The following PLEKHG5 variants were observed in gnomAD, a reference collection of about 807,000 sequenced individuals.
PLEKHG5 encodes pleckstrin homology and RhoGEF domain containing G5.
Under a neutral mutation model 103.8 loss-of-function variants are expected in PLEKHG5, and 52 were observed. The observed-to-expected ratio is 0.50, with a 90% CI of 0.40 to 0.63. PLEKHG5 has a LOEUF of 0.63. Among genes scored for constraint, PLEKHG5 ranks in the 30% least tolerant of loss-of-function variants. The pLI, the probability that PLEKHG5 is intolerant of heterozygous loss-of-function variation, is 0.00. For synonymous variants in PLEKHG5, 592 were observed against 575.5 expected (o/e 1.03, Z -0.41); for missense variants, 1,205 against 1,347.6 (o/e 0.89, Z 1.66).
chr1:6,474,018 T>C lies in PLEKHG5; in HGVS notation c.586A>G (p.Ile196Val), dbSNP rs1159602956. The C allele has an allele frequency of 1.6e-6, 2 of 1,282,522 alleles. No homozygotes were observed. Among genetic ancestry groups the C allele is most frequent in the South Asian group, 1.2e-5 (1 of 84,200 alleles). The allele number at this position is 1,282,522 out of a possible 1,614,324, so 79.4% of individuals were successfully genotyped here. Residue 196 changes from isoleucine to valine, a missense_variant, in exon 7 of 21, where the codon ATC (isoleucine) becomes GTC (valine). Transcript: ENST00000377728. The stretch of plus-strand genomic sequence containing the variant: ...ACACACCCCCTCCTCCTCACCAAGA[T>C]GTCCAGGCTCTCCCGGCGGCTCTGG... ...DAQSRRESLDILAPGRRRKNM... is the reference protein window; with the variant it reads ...DAQSRRESLDVLAPGRRRKNM...
intron 5 of PLEKHG5, 22 bp from the exon 6 acceptor site, chr1:6,474,609 T>C (rs768296648): frequency 1.2e-6 from 2 of 1,612,522 alleles, no homozygotes; most frequent in African/African-American, 2.7e-5. Context: ...ACAGGAGGCA[T>C]GTGTGTTAGA....
In PLEKHG5 at chr1:6,469,082, T is replaced by C. The variant is rs1644484109; in HGVS notation, c.2209A>G (p.Ile737Val). 21 of 1,613,282 alleles carry C rather than the reference T, an allele frequency of 1.3e-5. No homozygotes were observed. Among genetic ancestry groups the C allele is most frequent in the Non-Finnish European group, 1.7e-5 (20 of 1,179,988 alleles). Reference sequence around the variant, plus strand: ...GGGCTGCCGCTGCTTTTCCGCATGATGGTAGGGGAGCTGGCAGCTGAAGTG... The same window carrying C: ...GGGCTGCCGCTGCTTTTCCGCATGACGGTAGGGGAGCTGGCAGCTGAAGTG... ...SGTSAASSPT[I>V]MRKSSGSPDS... Residue 737 changes from isoleucine to valine, a missense_variant, in exon 19 of 21, where the codon ATC becomes GTC. Ile to Val is a conservative substitution (Grantham distance 29). Transcript: ENST00000377728.
intron 1 of PLEKHG5, among the ~76,000 whole-genome samples, chr1:6,507,705 G>C (rs947167282): frequency 6.6e-6 from 1 of 152,240 alleles, no homozygotes; most frequent in African/African-American, 2.4e-5. Context: ...GCCCCCAGCT[G>C]AGGGCTAAGG....
intron 1 of PLEKHG5, chr1:6,485,491 G>A: frequency 4.8e-6 from 6 of 1,241,668 alleles, no homozygotes; most frequent in Non-Finnish European, 6.0e-6. Flanking sequence ...GACAAAGCGC[G>A]GAGCCCCGCT....
intron 1 of PLEKHG5, among the ~76,000 whole-genome samples, chr1:6,485,084 C>A (rs1644994150): frequency 6.6e-6 from 1 of 152,090 alleles, no homozygotes; most frequent in Non-Finnish European, 1.5e-5. Flanking sequence ...AGACACAAAG[C>A]GCCAAGAATT....
chr1:6,471,216 GC>G, intron 12 of PLEKHG5, 116 bp from the exon 13 acceptor site: 1 of 887,848 alleles, frequency 1.1e-6, no homozygotes, highest in Non-Finnish European at 1.8e-6. Flanking sequence ...CCCCAAGGGG[GC>G]AGCAAGCTTA....
rs1229342749 is a variant in PLEKHG5, at chr1:6,491,120, A to G, written c.-88+517T>C. ...TTTTTTTTTTTCTGGCCCAGGTGAT[A>G]TGGCCGGAAAAGGGTGCTGTTCTGC... On this transcript the variant is annotated intron_variant, in intron 1 of 20. Transcript: ENST00000377728. This position sits in a 1 kb window ranked among gnomAD's most constrained non-coding sequence, Gnocchi z 4.1. 2.0e-5 allele frequency among the ~76,000 whole-genome samples: 3 copies of G among 149,834 alleles called. No individual in the cohort carries two copies. The highest frequency in any genetic ancestry group is 3.0e-5 in the Non-Finnish European group (2 of 67,646).
upstream of PLEKHG5, among the ~76,000 whole-genome samples, chr1:6,500,173 G>A (rs868301021): frequency 9.2e-5 from 14 of 152,132 alleles, no homozygotes; most frequent in Non-Finnish European, 1.9e-4. Flanking sequence ...ACATGATTCC[G>A]ATCCCCTTCC....
upstream of PLEKHG5, among the ~76,000 whole-genome samples, chr1:6,494,538 G>A (rs962468612): frequency 2.6e-5 from 4 of 152,060 alleles, no homozygotes; most frequent in Non-Finnish European, 5.9e-5. Flanking sequence ...TGCTGGGATC[G>A]CAGGTATGAG....
upstream of PLEKHG5, among the ~76,000 whole-genome samples, chr1:6,495,803 T>C (rs917814301): frequency 1.3e-5 from 2 of 152,246 alleles, no homozygotes; most frequent in Non-Finnish European, 2.9e-5. Flanking sequence ...CCTTGGTGTC[T>C]TCATCTGGAA....
chr1:6,497,076 G>A (rs1645237056), upstream of PLEKHG5: 3 of 1,484,434 alleles, frequency 2.0e-6, no homozygotes, highest in Non-Finnish European at 2.7e-6. The surrounding 1 kb of genome is among the most constrained non-coding windows in gnomAD (Gnocchi z 6.1). Context: ...TCTCTTCCTG[G>A]GGGCTGGAGT....
At chr1:6,484,333 G>C (rs892422373) in intron 1 of PLEKHG5, among the ~76,000 whole-genome samples, 2 of 152,158 alleles carry the variant, frequency 1.3e-5, no homozygotes, top group African/African-American at 4.8e-5. Flanking sequence ...GCCAGGGGCT[G>C]GTGCCCAGGC....
At chr1:6,477,740 G>C in intron 1 of PLEKHG5, 82 bp from the exon 2 acceptor site, 1 of 1,430,338 alleles carries the variant, frequency 7.0e-7, no homozygotes, top group South Asian at 1.2e-5. Flanking sequence ...CAGGGACTTA[G>C]AATGAACTGC....
At chr1:6,500,989 A>G (rs950936206), upstream of PLEKHG5, among the ~76,000 whole-genome samples, 12 of 152,226 alleles carry the variant, frequency 7.9e-5, no homozygotes, top group Non-Finnish European at 2.9e-5. Flanking sequence ...CGGCCGGCAG[A>G]CATGTTTTGT....
chr1:6,506,382 C>T (rs1342845781), intron 1 of PLEKHG5, among the ~76,000 whole-genome samples: 2 of 152,204 alleles, frequency 1.3e-5, no homozygotes, highest in East Asian at 3.9e-4. Flanking sequence ...AAGCGCCTTT[C>T]TTCCCCTCCT....
At chr1:6,483,895 C>T (rs189220228) in intron 1 of PLEKHG5, among the ~76,000 whole-genome samples, 4 of 152,342 alleles carry the variant, frequency 2.6e-5, no homozygotes, top group Non-Finnish European at 5.9e-5. Flanking sequence ...AGCCCTCTGG[C>T]CCTCTGTGAA....
chr1:6,470,900 G>C lies in PLEKHG5; in HGVS notation c.1393-16C>G, dbSNP rs747761762. ...TCTCCGCCCACTGCGGTGGGGGAGT[G>C]GGGGCGGGCTCAGGGCAGGCCCCGC... is the stretch of plus-strand genomic sequence containing the variant. On this transcript the variant is annotated splice_polypyrimidine_tract_variant and intron_variant, in intron 13 of 20. Coordinates refer to ENST00000377728, the MANE Select transcript of PLEKHG5 (RefSeq NM_020631.6). 3.6e-6 allele frequency: 5 copies of C among 1,405,436 alleles called. No individual in the cohort carries two copies. The highest frequency in any genetic ancestry group is 1.8e-4 in the Middle Eastern group (1 of 5,524). 87.1% of individuals were successfully genotyped at this position (1,405,436 alleles called of 1,614,324 possible).
intron 1 of PLEKHG5, among the ~76,000 whole-genome samples, chr1:6,483,875 CG>C (rs1557757002): frequency 6.6e-6 from 1 of 152,332 alleles, no homozygotes; most frequent in African/African-American, 2.4e-5. Context: ...CCCCCGTCTG[CG>C]GGCTCCGCAG....
chr1:6,473,880 T>G, intron 7 of PLEKHG5, 133 bp downstream of exon 7: 2 of 915,886 alleles, frequency 2.2e-6, no homozygotes, highest in South Asian at 3.4e-5. Context: ...GCCAACCCCA[T>G]TTTCCAGAAG....
Sources: gnomAD v4.1 joint callset for allele counts (sites outside exome capture counted in the v4.1 genomes callset) on GRCh38, gnomAD v4.1.1 for gene constraint, Gnocchi (gnomAD v3.1) non-coding constraint, MANE v1.5 for transcripts, NCBI Gene and HGNC (gene_info 2026-07-23, HGNC 2026-07-21) for gene names.